CLIP2: variants seen among roughly 807,000 people sequenced by gnomAD.
CLIP2 encodes the protein CAP-Gly domain containing linker protein 2, also known as CAP-Gly domain-containing linker protein 2.
A neutral mutation model predicts 111.7 loss-of-function variants in CLIP2; 41 were observed. The ratio of observed to expected loss-of-function variants is 0.37; its 90% CI spans 0.29 to 0.48. The LOEUF (loss-of-function observed/expected upper bound fraction) is 0.48. CLIP2 is among the 20% of genes least tolerant of loss of function. The pLI is 0.99. For synonymous variants in CLIP2, 660 were observed against 644.2 expected, an observed-to-expected ratio of 1.02 and a Z score of -0.37; for missense variants, 1,160 against 1,422.1, an observed-to-expected ratio of 0.82 and a Z score of 2.96.
Position 74,357,391 on chromosome 7 carries a change from C to A in CLIP2, c.1129C>A (p.Leu377Met), listed in dbSNP as rs1554308658. 6.2e-7 allele frequency: 1 copy of A among 1,613,694 alleles called. No homozygotes were observed. Among genetic ancestry groups the A allele is most frequent in the East Asian group, 2.2e-5 (1 of 44,860 alleles). Residue 377 changes from leucine to methionine, a missense_variant, in exon 6 of 17, where the codon CTG becomes ATG. This residue lies in a region of CLIP2 where 70 missense variants were observed against 114.9 expected (regional missense o/e 0.61). Transcript: ENST00000223398. Reference sequence around the variant, plus strand: ...TGAGCAGCTGCTGGCTGAACGAGACCTGGAACGGGCTGAGGTGGCCAAGGC... The same window carrying A: ...TGAGCAGCTGCTGGCTGAACGAGACATGGAACGGGCTGAGGTGGCCAAGGC... ...HIEQLLAERDLERAEVAKATS... is the reference protein window; with the variant it reads ...HIEQLLAERDMERAEVAKATS...
chr7:74,381,743 T>G, intron 11 of CLIP2: 1 of 405,078 alleles, frequency 2.5e-6, no homozygotes, highest in East Asian at 7.3e-5. Flanking sequence ...TAGTACATTC[T>G]TTTACAGGGT....
intron 2 of CLIP2, among the ~76,000 whole-genome samples, chr7:74,327,109 GTTTTGTT>G (rs1309120226): frequency 1.3e-5 from 2 of 151,918 alleles, no homozygotes; most frequent in Non-Finnish European, 2.9e-5. Context: ...TTCAAAGTTT[GTTTTGTT>G]TTTTGAGAGA....
chr7:74,378,343 G>A (rs1790854456), intron 10 of CLIP2, among the ~76,000 whole-genome samples: 1 of 151,498 alleles, frequency 6.6e-6, no homozygotes, highest in Admixed American at 6.6e-5. Context: ...GCCCAGGCTG[G>A]TCTCAAACTC....
In CLIP2 at chr7:74,376,420, G is replaced by A. The variant is rs147535775; in HGVS notation, c.2019G>A (p.Leu673=). 1.4e-4 allele frequency: 227 copies of A among 1,613,950 alleles called. No individual in the cohort carries two copies. Among genetic ancestry groups the A allele is most frequent in the Non-Finnish European group, 1.8e-4 (213 of 1,180,036 alleles). The change falls in exon 10 of 17, where the codon CTG becomes CTA. Residue 673 remains leucine (L), a synonymous_variant. Transcript: ENST00000223398. The surrounding 1 kb of genome is among the most constrained non-coding windows in gnomAD (Gnocchi z 7.1). ...GTAACTTGCAGGCCAAGCATGACCT[G>A]GAGACCGCCATGCACGTGAAGGAGA... The part of the protein sequence containing the change: ...ELGNLQAKHD[L]ETAMHVKEKE...
chr7:74,373,886 C>T (rs1790706529), intron 9 of CLIP2, among the ~76,000 whole-genome samples: 1 of 151,966 alleles, frequency 6.6e-6, no homozygotes, highest in African/African-American at 2.4e-5. Flanking sequence ...AGGGGTGGGG[C>T]TTTTGAGGGA....
intron 1 of CLIP2, among the ~76,000 whole-genome samples, chr7:74,314,312 G>A (rs1788714134): frequency 6.6e-6 from 1 of 151,894 alleles, no homozygotes; most frequent in African/African-American, 2.4e-5. Flanking sequence ...CCAACATAGT[G>A]AAACCCCACA....
chr7:74,385,418 A>T (rs1554314611), intron 11 of CLIP2, among the ~76,000 whole-genome samples: 7 of 149,704 alleles, frequency 4.7e-5, no homozygotes. Context: ...GTGAGCTATG[A>T]TTGCACACTC....
chr7:74,333,753 G>A (rs1789367821), intron 2 of CLIP2, among the ~76,000 whole-genome samples: 1 of 152,190 alleles, frequency 6.6e-6, no homozygotes, highest in African/African-American at 2.4e-5. Context: ...AAAGTGCTGG[G>A]ATTACAGGCA....
intron 1 of CLIP2, among the ~76,000 whole-genome samples, chr7:74,306,412 C>A (rs1554727756): frequency 6.6e-6 from 1 of 152,166 alleles, no homozygotes; most frequent in Admixed American, 6.5e-5. Flanking sequence ...AAGCACCTGC[C>A]CCTCCGGGAG....
At chr7:74,292,813 G>A (rs1788064573) in intron 1 of CLIP2, among the ~76,000 whole-genome samples, 1 of 152,212 alleles carries the variant, frequency 6.6e-6, no homozygotes, top group South Asian at 2.1e-4. Flanking sequence ...GATTTGCTAA[G>A]CACCTACTGT....
At chr7:74,313,276 G>C (rs1554728747) in intron 1 of CLIP2, among the ~76,000 whole-genome samples, 1 of 151,712 alleles carries the variant, frequency 6.6e-6, no homozygotes, top group African/African-American at 2.4e-5. Context: ...CTGCACTCCA[G>C]CCTCCAGCTG....
rs113438890 is a variant in CLIP2, at chr7:74,401,820, C to T, written c.3129+253C>T. ...GTGGCCCACGCCTGTAACCCCAGCA[C>T]TTTGGGAGGCCAAGGCAGGAGGATC... On this transcript the variant is annotated intron_variant, in intron 16 of 16. Transcript: ENST00000223398. Among the ~76,000 whole-genome samples, 1,337 of 152,346 alleles carry T rather than the reference C, an allele frequency of 8.8e-3. 18 individuals carry two copies. The highest frequency in any genetic ancestry group is 0.029 in the African/African-American group (1,210 of 41,584).
intron 3 of CLIP2, among the ~76,000 whole-genome samples, chr7:74,345,605 G>T (rs1789778152): frequency 2.0e-5 from 3 of 151,944 alleles, no homozygotes; most frequent in Non-Finnish European, 2.9e-5. Flanking sequence ...GGAGGCTGAG[G>T]GTGGGTGGAT....
chr7:74,389,059 G>A (rs1432131255), intron 12 of CLIP2, 44 bp from the exon 13 acceptor site: 9 of 1,563,516 alleles, frequency 5.8e-6, no homozygotes, highest in Admixed American at 1.9e-5. Context: ...AGAAGCTCAC[G>A]TGTTCCCAAT....
chr7:74,353,205 A>T (rs1461444106), intron 3 of CLIP2, among the ~76,000 whole-genome samples: 2 of 151,832 alleles, frequency 1.3e-5, no homozygotes, highest in African/African-American at 4.8e-5. Context: ...TTGAAGCTCT[A>T]GTATATACTA....
At chr7:74,337,718 CCTCACTAG>C (rs1789516001) in intron 2 of CLIP2, among the ~76,000 whole-genome samples, 1 of 152,242 alleles carries the variant, frequency 6.6e-6, no homozygotes, top group African/African-American at 2.4e-5. Flanking sequence ...ACCTTAGCCT[CCTCACTAG>C]CTGGGATTAC....
intron 3 of CLIP2, 86 bp from the exon 4 acceptor site, chr7:74,353,794 A>T: frequency 6.3e-7 from 1 of 1,582,264 alleles, no homozygotes; most frequent in Non-Finnish European, 8.7e-7. Flanking sequence ...GAAGGGATGG[A>T]TGGGATAAGC....
intron 14 of CLIP2, among the ~76,000 whole-genome samples, chr7:74,397,666 GTTT>G (rs71094782): frequency 4.8e-5 from 2 of 42,028 alleles, no homozygotes. Context: ...AGTTTTTTTT[GTTT>G]TTTTTTTTTT....
chr7:74,372,883 C>CGGGGGG, intron 8 of CLIP2, 49 bp from the exon 9 acceptor site: 1 of 593,304 alleles, frequency 1.7e-6, no homozygotes, highest in East Asian at 3.3e-5. Flanking sequence ...GCCCCCCTCC[C>CGGGGGG]TGCGTCCCCG....
Sources: allele counts gnomAD v4.1 joint callset (sites outside exome capture counted in the v4.1 genomes callset), GRCh38; gene constraint gnomAD v4.1.1; regional missense constraint gnomAD v4.1.1; non-coding constraint Gnocchi (gnomAD v3.1); transcripts MANE v1.5; gene names NCBI Gene and HGNC (gene_info 2026-07-23, HGNC 2026-07-21).